Variants in LRRC1 observed in about 807,000 individuals in gnomAD.
The protein encoded by LRRC1 is leucine rich repeat containing 1, also known as leucine-rich repeat-containing protein 1.
In LRRC1, 28 loss-of-function variants were observed where a neutral mutation model predicts 69.9. The observed-to-expected ratio is 0.40, with a 90% CI of 0.30 to 0.55. The LOEUF (loss-of-function observed/expected upper bound fraction) is 0.55, where lower values mean the gene tolerates loss of function less well. LRRC1 is among the 20% of genes least tolerant of loss of function. LRRC1 has a pLI of 0.47. For missense variants in LRRC1, 498 were observed against 609.0 expected (o/e 0.82, Z 1.92); for synonymous variants, 236 against 240.2 (o/e 0.98, Z 0.16).
intron 10 of LRRC1, among the ~76,000 whole-genome samples, chr6:53,907,650 G>C (rs1768282582): frequency 6.6e-6 from 1 of 151,676 alleles, no homozygotes; most frequent in African/African-American, 2.4e-5. Context: ...CTTCCATTCT[G>C]CTTCTTAAAT....
intron 2 of LRRC1, among the ~76,000 whole-genome samples, chr6:53,865,625 T>C (rs1766677687): frequency 6.6e-6 from 1 of 152,152 alleles, no homozygotes; most frequent in African/African-American, 2.4e-5. Context: ...GATGTGGCAG[T>C]GAGGGTACTG....
chr6:53,892,011 T>TACACACACACACACACACACAC (rs70980877), intron 4 of LRRC1, among the ~76,000 whole-genome samples: 27 of 135,374 alleles, frequency 2.0e-4, no homozygotes, highest in Admixed American at 4.0e-4. Flanking sequence ...TATATATATA[T>TACACACACACACACACACACAC]ACACACACAC....
At chr6:53,896,125 A>G (rs988882832) in intron 4 of LRRC1, among the ~76,000 whole-genome samples, 1 of 152,184 alleles carries the variant, frequency 6.6e-6, no homozygotes, top group Admixed American at 6.5e-5. Context: ...TGGTAACTGC[A>G]TTTTTGGCAT....
intron 2 of LRRC1, among the ~76,000 whole-genome samples, chr6:53,855,145 G>C (rs1414204704): frequency 6.6e-6 from 1 of 152,218 alleles, no homozygotes. Context: ...AATGTGGGCA[G>C]AGGCAGGCCA....
At chr6:53,881,816 TTAGATGCAATGAGA>T (rs1342789252) in intron 3 of LRRC1, among the ~76,000 whole-genome samples, 3 of 152,214 alleles carry the variant, frequency 2.0e-5, no homozygotes, top group African/African-American at 7.2e-5. Context: ...CTTCAGCATT[TTAGATGCAATGAGA>T]TCCTTTGCCT....
intron 3 of LRRC1, among the ~76,000 whole-genome samples, chr6:53,882,492 C>G (rs1244674132): frequency 2.6e-5 from 4 of 152,182 alleles, no homozygotes; most frequent in African/African-American, 9.7e-5. Context: ...ATGAAATTTT[C>G]TCTTTAGTTT....
intron 2 of LRRC1, among the ~76,000 whole-genome samples, chr6:53,850,112 G>A (rs1440136246): frequency 1.4e-5 from 2 of 141,720 alleles, no homozygotes; most frequent in Non-Finnish European, 3.0e-5. Flanking sequence ...CTTACTAAAT[G>A]TAAGGCTCTA....
At chr6:53,920,455 T>G in intron 12 of LRRC1, 170 bp from the exon 13 acceptor site, 4 of 569,132 alleles carry the variant, frequency 7.0e-6, no homozygotes, top group Non-Finnish European at 1.2e-5. Context: ...TTTTTGAATT[T>G]TGTGTGTGTT....
At chr6:53,800,035 G>A (rs1187847670) in intron 1 of LRRC1, among the ~76,000 whole-genome samples, 1 of 152,086 alleles carries the variant, frequency 6.6e-6, no homozygotes, top group Non-Finnish European at 1.5e-5. Flanking sequence ...CAGAGGTACT[G>A]GATTCAGATA....
At chr6:53,910,939 AG>A in intron 10 of LRRC1, among the ~76,000 whole-genome samples, 1 of 152,250 alleles carries the variant, frequency 6.6e-6, no homozygotes, top group Non-Finnish European at 1.5e-5. Flanking sequence ...ATTTGGAAAG[AG>A]GGCTGTGTTT....
rs1768798645 is a variant in LRRC1 at position 53,923,448 on chromosome 6, GTGA to G, written c.*659_*661del. ...GTAAACAATGGCATCTTTGAACAGT[GTGA>G]TGAGAATAGGAATGTGGTGTTTTAA... On this transcript the variant is annotated 3_prime_UTR_variant, in exon 14 of 14. Coordinates refer to ENST00000370888, the MANE Select transcript of LRRC1 (RefSeq NM_018214.5). 1 of 152,650 alleles carries G rather than the reference GTGA, an allele frequency of 6.6e-6. No individual in the cohort carries two copies. The highest frequency in any genetic ancestry group is 2.1e-4 in the South Asian group (1 of 4,836). 9.5% of individuals were successfully genotyped at this position (152,650 alleles called of 1,614,324 possible).
At chr6:53,839,234 G>A (rs1765695329) in intron 1 of LRRC1, among the ~76,000 whole-genome samples, 1 of 151,904 alleles carries the variant, frequency 6.6e-6, no homozygotes, top group Non-Finnish European at 1.5e-5. Flanking sequence ...GTATTTCAGT[G>A]GACTTGAAAA....
intron 2 of LRRC1, among the ~76,000 whole-genome samples, chr6:53,849,670 G>A (rs1439474326): frequency 6.6e-6 from 1 of 152,076 alleles, no homozygotes; most frequent in Non-Finnish European, 1.5e-5. Context: ...AGGGAAAGAG[G>A]GAATGAAAAG....
chr6:53,805,889 G>A (rs1380163181), intron 1 of LRRC1, among the ~76,000 whole-genome samples: 1 of 152,202 alleles, frequency 6.6e-6, no homozygotes, highest in Non-Finnish European at 1.5e-5. Context: ...CCCTGCACCA[G>A]CAGGATACAG....
At chr6:53,839,233 T>C (rs1226860525) in intron 1 of LRRC1, among the ~76,000 whole-genome samples, 1 of 152,138 alleles carries the variant, frequency 6.6e-6, no homozygotes, top group African/African-American at 2.4e-5. Flanking sequence ...AGTATTTCAG[T>C]GGACTTGAAA....
chr6:53,832,106 A>G (rs1765444095), intron 1 of LRRC1, among the ~76,000 whole-genome samples: 1 of 152,140 alleles, frequency 6.6e-6, no homozygotes, highest in Non-Finnish European at 1.5e-5. Context: ...CCTCATAGGA[A>G]TCTTTGATCC....
intron 2 of LRRC1, among the ~76,000 whole-genome samples, chr6:53,849,638 T>C (rs938041665): frequency 5.3e-5 from 8 of 152,098 alleles, no homozygotes; most frequent in Non-Finnish European, 8.8e-5. Context: ...AAGACAAATC[T>C]TGGAAAGGGA....
chr6:53,883,915 C>T (rs1181787076), intron 4 of LRRC1: 2 of 717,604 alleles, frequency 2.8e-6, no homozygotes, highest in Non-Finnish European at 5.2e-6. Context: ...AGAATATTTG[C>T]AGACAGCTTT....
At chr6:53,874,733 C>T (rs1269298987) in intron 2 of LRRC1, among the ~76,000 whole-genome samples, 1 of 152,068 alleles carries the variant, frequency 6.6e-6, no homozygotes, top group Non-Finnish European at 1.5e-5. Context: ...GAAGAAACAG[C>T]AAGAACCAGG....
Sources: allele counts gnomAD v4.1 joint callset (sites outside exome capture counted in the v4.1 genomes callset), GRCh38; gene constraint gnomAD v4.1.1; transcripts MANE v1.5; gene names NCBI Gene and HGNC (gene_info 2026-07-23, HGNC 2026-07-21).